PLA2R1: variants seen among roughly 807,000 people sequenced by gnomAD.
PLA2R1 encodes the protein secretory phospholipase A2 receptor.
A neutral mutation model predicts 195.9 loss-of-function variants in PLA2R1; 158 were observed. The observed-to-expected ratio is 0.81, with a 90% confidence interval of 0.71 to 0.92. PLA2R1 has a LOEUF of 0.92. PLA2R1 is among the 40% of genes least tolerant of loss of function. The probability of loss-of-function intolerance (pLI) is 0.00; values close to 1 mark genes in which losing one functional copy is unlikely to be tolerated. For synonymous variants in PLA2R1, 586 were observed against 598.2 expected (o/e 0.98, Z 0.30); for missense variants, 1,626 against 1,764.6 (o/e 0.92, Z 1.41).
In PLA2R1 at chr2:159,935,516, T is replaced by C. The variant is rs2125904925; in HGVS notation, c.*6262A>G. ...CAGATATTTATTGTGTGGGTTATAA[T>C]CCAATATTATAATTTTTTATTGTTT... On this transcript the variant is annotated 3_prime_UTR_variant, in exon 30 of 30. Transcript: ENST00000283243. 1 of 152,358 alleles carries C rather than the reference T, an allele frequency of 6.6e-6. No homozygotes were observed. Among genetic ancestry groups the C allele is most frequent in the Non-Finnish European group, 1.5e-5 (1 of 68,030 alleles). 9.4% of individuals were successfully genotyped at this position (152,358 alleles called of 1,614,324 possible).
At position 160,019,720 on chromosome 2, in the gene PLA2R1, A is replaced by G. The variant is rs79064431; in HGVS notation, c.1452+386T>C. ...CCACTGGTCTCCTTTTTGATCATTC[A>G]ACATGGCAAGTCTTGGTCTGCCTTT... On this transcript the variant is annotated intron_variant, in intron 8 of 29. Coordinates refer to ENST00000283243, the MANE Select transcript of PLA2R1 (RefSeq NM_007366.5). Among the ~76,000 whole-genome samples, 919 of 152,340 alleles carry G rather than the reference A, an allele frequency of 6.0e-3. 3 individuals are homozygous for G. Among genetic ancestry groups the G allele is most frequent in the Middle Eastern group, 0.014 (4 of 294 alleles).
chr2:159,928,127 T>C (rs531424893), downstream of PLA2R1, among the ~76,000 whole-genome samples: 5 of 152,174 alleles, frequency 3.3e-5, no homozygotes, highest in African/African-American at 4.8e-5. Flanking sequence ...AACATACTCT[T>C]TTCTGGTCCA....
At chr2:159,989,914 T>C (rs1346077212) in intron 11 of PLA2R1, among the ~76,000 whole-genome samples, 1 of 152,210 alleles carries the variant, frequency 6.6e-6, no homozygotes, top group Non-Finnish European at 1.5e-5. Context: ...TGGTTTTAGA[T>C]GCTATAAGAT....
chr2:159,977,427 T>A lies in PLA2R1; in HGVS notation c.2269-11A>T. On this transcript the variant is annotated splice_polypyrimidine_tract_variant and intron_variant, in intron 14 of 29. Coordinates refer to ENST00000283243, the MANE Select transcript of PLA2R1 (RefSeq NM_007366.5). ...AAACGAAGAGACAACCTGCAGCAGA[T>A]GAAGTTCATTATTCCTTAATGATGA... 6.2e-7 allele frequency: 1 copy of A among 1,612,264 alleles called. No individual in the cohort carries two copies. Among genetic ancestry groups the A allele is most frequent in the Middle Eastern group, 1.7e-4 (1 of 6,054 alleles).
At chr2:160,008,021 G>C (rs1692111509) in intron 10 of PLA2R1, among the ~76,000 whole-genome samples, 1 of 152,216 alleles carries the variant, frequency 6.6e-6, no homozygotes, top group African/African-American at 2.4e-5. Flanking sequence ...GACAGTGTGG[G>C]CTGGGCATAT....
rs949825640 is a variant in PLA2R1 at position 159,951,561 on chromosome 2, C to T, written c.3319G>A (p.Val1107Ile). ...EKMQDTSGHGVNTSDMYPMPN... is the reference protein window; with the variant it reads ...EKMQDTSGHGINTSDMYPMPN... Reference sequence around the variant, plus strand: ...ATTGGATACATATCAGATGTATTTACACCGTGTCCAGAAGTATCTAGAACA... The same window carrying T: ...ATTGGATACATATCAGATGTATTTATACCGTGTCCAGAAGTATCTAGAACA... Residue 1107 changes from valine (V) to isoleucine (I), a missense_variant, in exon 24 of 30, where the codon GTA (valine) becomes ATA (isoleucine). Val to Ile is a conservative substitution (Grantham distance 29). Coordinates refer to ENST00000283243, the MANE Select transcript of PLA2R1 (RefSeq NM_007366.5). 6 of 1,561,050 alleles carry T rather than the reference C, an allele frequency of 3.8e-6. No individual in the cohort carries two copies. In the African/African-American group the frequency reaches 6.7e-5, roughly 18 times the overall value.
intron 17 of PLA2R1, among the ~76,000 whole-genome samples, chr2:159,970,849 T>C (rs1459332157): frequency 8.1e-5 from 12 of 148,738 alleles, no homozygotes; most frequent in Non-Finnish European, 3.0e-5. Flanking sequence ...AACTAACACA[T>C]GAACAGAAAA....
At position 159,962,910 on chromosome 2, in the gene PLA2R1, C is replaced by CA. The variant is rs761359784; in HGVS notation, c.2904+4628dup. On this transcript the variant is annotated intron_variant, in intron 20 of 29. Transcript: ENST00000283243. ...GACTGGGGGCCTAGGGGAGGGATAA[C>CA]ATTAGGAGCAATACCTAATGTAGGT... Among the ~76,000 whole-genome samples, 1,219 of 152,216 alleles carry CA rather than the reference C, an allele frequency of 8.0e-3. 5 individuals are homozygous for CA. Among genetic ancestry groups the CA allele is most frequent in the Non-Finnish European group, 0.012 (837 of 68,008 alleles).
rs1686630109 is a variant in PLA2R1 at position 159,932,491 on chromosome 2, T to G, written c.*9287A>C. 1 of 152,318 alleles carries G rather than the reference T, an allele frequency of 6.6e-6. No homozygotes were observed. Among genetic ancestry groups the G allele is most frequent in the Admixed American group, 6.5e-5 (1 of 15,286 alleles). 9.4% of individuals were successfully genotyped at this position (152,318 alleles called of 1,614,324 possible). On this transcript the variant is annotated 3_prime_UTR_variant, in exon 30 of 30. Transcript: ENST00000283243. Reference sequence around the variant, plus strand: ...TGACTCACTGAGGCAACATGTCCTGTTACGTTTCCATTCCTCCCCATTCCT... The same window carrying G: ...TGACTCACTGAGGCAACATGTCCTGGTACGTTTCCATTCCTCCCCATTCCT...
rs185817776 is a variant in PLA2R1 at position 159,966,231 on chromosome 2, G to T, written c.2904+1308C>A. Among the ~76,000 whole-genome samples the T allele has an allele frequency of 5.9e-5, 9 of 152,262 alleles. No individual in the cohort carries two copies. The South Asian group carries it at 8.3e-4, about 14-fold the overall frequency. ...CCAACCGTCAAAAGGAAGTCCTGTC[G>T]CATGCCAGTGTGGGTGAACCTTGAG... On this transcript the variant is annotated intron_variant, in intron 20 of 29. Coordinates refer to ENST00000283243, the MANE Select transcript of PLA2R1 (RefSeq NM_007366.5).
chr2:159,975,007 T>G (rs1689447273), intron 17 of PLA2R1, among the ~76,000 whole-genome samples: 1 of 152,176 alleles, frequency 6.6e-6, no homozygotes, highest in Admixed American at 6.6e-5. Context: ...CTGAAGATCA[T>G]GAAATATGAT....
At chr2:160,055,564 ATCGCATGCT>A (rs1334764955) in intron 1 of PLA2R1, among the ~76,000 whole-genome samples, 1 of 152,230 alleles carries the variant, frequency 6.6e-6, no homozygotes, top group African/African-American at 2.4e-5. Flanking sequence ...GTGAAACCAA[ATCGCATGCT>A]TCTGTCATGC....
chr2:159,925,986 A>G, the PLA2R1 span, among the ~76,000 whole-genome samples: 35 of 152,304 alleles, frequency 2.3e-4, no homozygotes, highest in African/African-American at 8.2e-4. Context: ...AGGATGAAGG[A>G]GAGCTGGAGA....
rs192221621 is a variant in PLA2R1 at position 159,974,506 on chromosome 2, G to A, written c.2595+1562C>T. Reference sequence around the variant, plus strand: ...TTTTTGGGTTGTATACTTTGCATGCGTATGGATTAGTTTTCAGCCATTCAT... The same window carrying A: ...TTTTTGGGTTGTATACTTTGCATGCATATGGATTAGTTTTCAGCCATTCAT... On this transcript the variant is annotated intron_variant, in intron 17 of 29. Coordinates refer to ENST00000283243, the MANE Select transcript of PLA2R1 (RefSeq NM_007366.5). 2.2e-3 allele frequency among the ~76,000 whole-genome samples: 331 copies of A among 152,266 alleles called. 1 individual carries two copies. Among genetic ancestry groups the A allele is most frequent in the Non-Finnish European group, 3.7e-3 (251 of 68,018 alleles).
In PLA2R1 at chr2:159,955,843, T is replaced by C; in HGVS notation, c.3023-15A>G. 1 of 1,566,986 alleles carries C rather than the reference T, an allele frequency of 6.4e-7. No homozygotes were observed. The highest frequency in any genetic ancestry group is 8.8e-7 in the Non-Finnish European group (1 of 1,142,608). On this transcript the variant is annotated splice_polypyrimidine_tract_variant and intron_variant, in intron 21 of 29. Coordinates refer to ENST00000283243, the MANE Select transcript of PLA2R1 (RefSeq NM_007366.5). Reference sequence around the variant, plus strand: ...AGTAATGAAAGCTGAAAAACAGGAATACATTATCTAATTTAATACTGTAGA... The same window carrying C: ...AGTAATGAAAGCTGAAAAACAGGAACACATTATCTAATTTAATACTGTAGA...
intron 4 of PLA2R1, among the ~76,000 whole-genome samples, chr2:160,029,972 A>G (rs1693760271): frequency 6.6e-6 from 1 of 152,248 alleles, no homozygotes; most frequent in Admixed American, 6.5e-5. Context: ...GGTTATAAAC[A>G]GGGTGACCGT....
chr2:159,936,566 G>A lies in PLA2R1; in HGVS notation c.*5212C>T, dbSNP rs1686845110. The A allele has an allele frequency of 6.6e-6, 1 of 152,164 alleles. No homozygotes were observed. The highest frequency in any genetic ancestry group is 2.1e-4 in the South Asian group (1 of 4,828). 9.4% of individuals were successfully genotyped at this position (152,164 alleles called of 1,614,324 possible). Reference sequence around the variant, plus strand: ...TTGAGAAACTCTGGTAGCAATTGCTGGTGCTGTCTGTAGTCCCTTATCCTC... The same window carrying A: ...TTGAGAAACTCTGGTAGCAATTGCTAGTGCTGTCTGTAGTCCCTTATCCTC... On this transcript the variant is annotated 3_prime_UTR_variant, in exon 30 of 30. Transcript: ENST00000283243.
chr2:160,033,150 T>C lies in PLA2R1; in HGVS notation c.668-18A>G, dbSNP rs749166128. 1.3e-6 allele frequency: 2 copies of C among 1,589,992 alleles called. No homozygotes were observed. The highest frequency in any genetic ancestry group is 2.7e-5 in the African/African-American group (2 of 73,856). On this transcript the variant is annotated intron_variant, in intron 3 of 29. Coordinates refer to ENST00000283243, the MANE Select transcript of PLA2R1 (RefSeq NM_007366.5). ...TGCAGAGGCTGGAAACAATGGCCATTAAAAACAACCAGGTCTTATTTTATC... is the reference window on the plus strand; with the variant it reads ...TGCAGAGGCTGGAAACAATGGCCATCAAAAACAACCAGGTCTTATTTTATC...
intron 2 of PLA2R1, among the ~76,000 whole-genome samples, chr2:160,043,042 A>G (rs1407385954): frequency 6.6e-6 from 1 of 151,886 alleles, no homozygotes; most frequent in Non-Finnish European, 1.5e-5. Context: ...AGAACCTGAG[A>G]CAAGAACAAG....
Sources: allele counts gnomAD v4.1 joint callset (sites outside exome capture counted in the v4.1 genomes callset), GRCh38; gene constraint gnomAD v4.1.1; transcripts MANE v1.5; gene names NCBI Gene and HGNC (gene_info 2026-07-23, HGNC 2026-07-21).